Variants in BCL2L13 observed in about 807,000 individuals in gnomAD.
BCL2L13 encodes the protein bcl-2-like protein 13.
A neutral mutation model predicts 25.8 loss-of-function variants in BCL2L13; 13 were observed. The observed-to-expected ratio is 0.50, with a 90% CI of 0.33 to 0.80. BCL2L13 has a LOEUF of 0.80. BCL2L13 is among the 30% of genes least tolerant of loss of function. The pLI, the probability that BCL2L13 is intolerant of heterozygous loss-of-function variation, is 0.02. For missense variants in BCL2L13, 504 were observed against 574.9 expected (o/e 0.88, Z 1.26); for synonymous variants, 244 against 230.3 (o/e 1.06, Z -0.54).
At chr22:17,656,194 C>T (rs1164142401) in intron 2 of BCL2L13, among the ~76,000 whole-genome samples, 3 of 148,872 alleles carry the variant, frequency 2.0e-5, no homozygotes, top group East Asian at 2.0e-4. Flanking sequence ...GAGCTGAGAT[C>T]GCACCACTGC....
chr22:17,700,523 T>G (rs2060401955), intron 5 of BCL2L13, among the ~76,000 whole-genome samples: 1 of 152,224 alleles, frequency 6.6e-6, no homozygotes, highest in Non-Finnish European at 1.5e-5. Context: ...TATGGGAAAT[T>G]AGAATGTTTT....
rs1181320917 is a variant in BCL2L13 at position 17,728,575 on chromosome 22, C to CCTTA, written c.*1042_*1045dup. The CCTTA allele has an allele frequency of 6.6e-6, 1 of 152,160 alleles. No homozygotes were observed. Among genetic ancestry groups the CCTTA allele is most frequent in the Admixed American group, 6.6e-5 (1 of 15,266 alleles). The allele number at this position is 152,160 out of a possible 1,614,324, so 9.4% of individuals were successfully genotyped here. ...CTAGTATATTTTTTCCAATATGGGA[C>CCTTA]CTTAGTCTTACTACTGATGAGTTCT... On this transcript the variant is annotated 3_prime_UTR_variant, in exon 7 of 7. Coordinates refer to ENST00000317582, the MANE Select transcript of BCL2L13 (RefSeq NM_015367.4).
At chr22:17,683,406 G>T in intron 3 of BCL2L13, 85 bp downstream of exon 3, 1 of 764,046 alleles carries the variant, frequency 1.3e-6, no homozygotes, top group Non-Finnish European at 2.1e-6. Flanking sequence ...TTTACAGTGG[G>T]GTATTCTCAA....
At chr22:17,706,721 T>A in intron 6 of BCL2L13, 2 of 1,351,836 alleles carry the variant, frequency 1.5e-6, no homozygotes, top group Non-Finnish European at 2.0e-6. Context: ...TCTCCCTGAG[T>A]CATCCTTGCT....
chr22:17,720,522 A>G (rs1260952804), intron 6 of BCL2L13, among the ~76,000 whole-genome samples: 1 of 151,522 alleles, frequency 6.6e-6, no homozygotes, highest in Non-Finnish European at 1.5e-5. Flanking sequence ...ATGCCTGGCT[A>G]ATTTTTTTGT....
intron 6 of BCL2L13, among the ~76,000 whole-genome samples, chr22:17,705,600 A>G (rs547985392): frequency 8.6e-5 from 13 of 151,662 alleles, no homozygotes; most frequent in African/African-American, 2.7e-4. Context: ...CCCGGCCGAT[A>G]TTGCTTTTTT....
intron 5 of BCL2L13, among the ~76,000 whole-genome samples, chr22:17,697,835 T>C (rs1373019747): frequency 3.3e-5 from 5 of 152,120 alleles, no homozygotes; most frequent in African/African-American, 1.2e-4. Flanking sequence ...ATTTTATTTA[T>C]TTATTTATTT....
At chr22:17,689,585 C>CTGT (rs1555887813) in intron 4 of BCL2L13, among the ~76,000 whole-genome samples, 1 of 152,178 alleles carries the variant, frequency 6.6e-6, no homozygotes, top group Non-Finnish European at 1.5e-5. Flanking sequence ...TGGCTCACGC[C>CTGT]TGTAATCCCA....
At chr22:17,632,085 A>G (rs536658084) in intron 1 of BCL2L13, among the ~76,000 whole-genome samples, 3 of 152,176 alleles carry the variant, frequency 2.0e-5, no homozygotes, top group Non-Finnish European at 1.5e-5. Context: ...CTAGTGTACA[A>G]TGTTCCTTGT....
intron 3 of BCL2L13, chr22:17,684,671 C>G (rs143776125): frequency 4.4e-6 from 2 of 452,352 alleles, no homozygotes; most frequent in Admixed American, 4.7e-5. Context: ...TCAAATGATT[C>G]TCCTGTCTCA....
intron 2 of BCL2L13, among the ~76,000 whole-genome samples, chr22:17,658,430 T>C (rs931719246): frequency 2.0e-5 from 3 of 152,080 alleles, no homozygotes; most frequent in Non-Finnish European, 2.9e-5. Context: ...GGGTGCCTCA[T>C]GCCTGTAATC....
chr22:17,644,607 G>A (rs2058408422), intron 1 of BCL2L13, among the ~76,000 whole-genome samples: 1 of 151,042 alleles, frequency 6.6e-6, no homozygotes. Flanking sequence ...TGGGATTATA[G>A]GTATGAGCCA....
At chr22:17,695,899 AC>A (rs374007796) in intron 4 of BCL2L13, 352 of 399,904 alleles carry the variant, frequency 8.8e-4, no homozygotes, top group African/African-American at 6.1e-3. Flanking sequence ...CAAAAAAATT[AC>A]TAGAATATAC....
At chr22:17,629,600 T>C (rs954756919) in intron 1 of BCL2L13, among the ~76,000 whole-genome samples, 4 of 152,212 alleles carry the variant, frequency 2.6e-5, no homozygotes, top group Non-Finnish European at 5.9e-5. Context: ...TTCCTTTATC[T>C]TTAGGATAGA....
rs113046030 is a variant in BCL2L13, at chr22:17,720,154, T to TTTTC, written c.601-6498_601-6495dup. ...GTACACCTAGAAATGGTGGGTTTCA[T>TTTTC]TTTCTTTCTTTCTTTCTTTCTTTCT... On this transcript the variant is annotated intron_variant, in intron 6 of 6. Transcript: ENST00000317582. Among the ~76,000 whole-genome samples the TTTTC allele has an allele frequency of 7.7e-3, 1,096 of 141,838 alleles. 18 individuals are homozygous for TTTTC. The highest frequency in any genetic ancestry group is 0.016 in the African/African-American group (605 of 37,140). 93.1% of individuals were successfully genotyped at this position (141,838 alleles called of 152,430 possible). A position where few individuals can be genotyped will look rare whatever the true frequency, so the allele number is the denominator to read the frequency against.
intron 1 of BCL2L13, among the ~76,000 whole-genome samples, chr22:17,654,358 C>G (rs570550738): frequency 6.6e-6 from 1 of 152,152 alleles, no homozygotes; most frequent in East Asian, 1.9e-4. Context: ...CTGCCTCCGC[C>G]TCCCAAAGTG....
intron 1 of BCL2L13, among the ~76,000 whole-genome samples, chr22:17,646,955 A>ATATATTTTTTTTTTT (rs768488873): frequency 1.4e-4 from 3 of 22,186 alleles, no homozygotes; most frequent in Non-Finnish European, 1.5e-4. Context: ...ATATATATAT[A>ATATATTTTTTTTTTT]TTTTTTTTTT....
intron 6 of BCL2L13, among the ~76,000 whole-genome samples, chr22:17,721,497 T>C (rs1188019875): frequency 6.6e-6 from 1 of 151,780 alleles, no homozygotes; most frequent in Non-Finnish European, 1.5e-5. Flanking sequence ...AAATAGTTTT[T>C]TTTTTTAAGT....
intron 6 of BCL2L13, chr22:17,703,193 G>A (rs1243450661): frequency 5.9e-5 from 8 of 134,494 alleles, no homozygotes; most frequent in African/African-American, 1.9e-4. Flanking sequence ...ACACACATAT[G>A]TATATGTATA....
Sources: gnomAD v4.1 joint callset for allele counts (sites outside exome capture counted in the v4.1 genomes callset) on GRCh38, gnomAD v4.1.1 for gene constraint, MANE v1.5 for transcripts, NCBI Gene and HGNC (gene_info 2026-07-23, HGNC 2026-07-21) for gene names.